NELL1: variants seen among roughly 807,000 people sequenced by gnomAD.
NELL1 encodes neural EGFL like 1.
Under a neutral mutation model 107.4 loss-of-function variants are expected in NELL1, and 76 were observed. That is an observed-to-expected ratio of 0.71 (90% CI 0.59 to 0.86). The LOEUF (loss-of-function observed/expected upper bound fraction) is 0.86, where lower values mean the gene tolerates loss of function less well. NELL1 is among the 40% of genes least tolerant of loss of function. NELL1 has a pLI of 0.00. For missense variants in NELL1, 1,024 were observed against 1,005.5 expected (o/e 1.02, Z -0.25); for synonymous variants, 353 against 341.2 (o/e 1.03, Z -0.38).
chr11:20,965,882 T>C (rs1851378506), intron 12 of NELL1, among the ~76,000 whole-genome samples: 1 of 152,170 alleles, frequency 6.6e-6, no homozygotes, highest in South Asian at 2.1e-4. Flanking sequence ...TGCACTTCTA[T>C]AGAAACAAGA....
intron 1 of NELL1, among the ~76,000 whole-genome samples, chr11:20,672,227 C>T (rs981503831): frequency 1.3e-5 from 2 of 152,198 alleles, no homozygotes; most frequent in African/African-American, 4.8e-5. Context: ...TCCATCCACC[C>T]TCTTCTTAGG....
At chr11:21,283,784 G>A (rs1220783515) in intron 14 of NELL1, 1 of 188,682 alleles carries the variant, frequency 5.3e-6, no homozygotes, top group African/African-American at 2.4e-5. Flanking sequence ...CATGATTTTG[G>A]TATTGAAGAT....
intron 13 of NELL1, among the ~76,000 whole-genome samples, chr11:21,178,938 GC>G (rs1263737552): frequency 4.6e-5 from 7 of 151,750 alleles, no homozygotes; most frequent in Non-Finnish European, 7.4e-5. Flanking sequence ...TTGATATTAT[GC>G]ATGGCTGAGG....
At chr11:21,081,159 A>G (rs1055695163) in intron 12 of NELL1, among the ~76,000 whole-genome samples, 2 of 152,038 alleles carry the variant, frequency 1.3e-5, no homozygotes, top group African/African-American at 2.4e-5. Flanking sequence ...GCTCCAGGAG[A>G]CATATCACTG....
At chr11:20,936,724 G>T (rs1175943206) in intron 9 of NELL1, among the ~76,000 whole-genome samples, 1 of 152,202 alleles carries the variant, frequency 6.6e-6, no homozygotes, top group African/African-American at 2.4e-5. Context: ...CAGTTAGCAT[G>T]TTGCCTGCCC....
chr11:20,853,974 C>T (rs1169773998), intron 4 of NELL1, among the ~76,000 whole-genome samples: 3 of 152,012 alleles, frequency 2.0e-5, no homozygotes, highest in Admixed American at 6.6e-5. Context: ...AGTGACATGC[C>T]CACTTTCCCT....
chr11:21,167,661 G>C (rs948176644), intron 13 of NELL1, among the ~76,000 whole-genome samples: 2 of 151,786 alleles, frequency 1.3e-5, no homozygotes, highest in African/African-American at 2.4e-5. Context: ...CGACCTTCTG[G>C]AGTATGAGTC....
intron 2 of NELL1, among the ~76,000 whole-genome samples, chr11:20,777,104 G>T (rs1329419874): frequency 6.6e-6 from 1 of 152,232 alleles, no homozygotes; most frequent in Non-Finnish European, 1.5e-5. Context: ...TTGGTGAATA[G>T]CAGGTGTAAC....
In NELL1 at chr11:20,826,184, C is replaced by A. The variant is rs138383367; in HGVS notation, c.336-21399C>A. 3.8e-4 allele frequency among the ~76,000 whole-genome samples: 58 copies of A among 151,282 alleles called. 2 individuals carry two copies. In the East Asian group the frequency reaches 0.01, roughly 26 times the overall value. ...TTTATAAATTACCCAGTCTCGGGTA[C>A]GTCTTTATTAGCAGCATGAGAATGG... is the stretch of plus-strand genomic sequence containing the variant. On this transcript the variant is annotated intron_variant, in intron 3 of 19. Coordinates refer to ENST00000357134, the MANE Select transcript of NELL1 (RefSeq NM_006157.5).
At chr11:20,736,745 C>G (rs543840325) in intron 2 of NELL1, among the ~76,000 whole-genome samples, 1 of 151,748 alleles carries the variant, frequency 6.6e-6, no homozygotes, top group African/African-American at 2.4e-5. Context: ...TCCCCTCCCC[C>G]TCCCTTCCTC....
At chr11:21,406,001 G>C (rs768270134) in intron 15 of NELL1, among the ~76,000 whole-genome samples, 11 of 151,976 alleles carry the variant, frequency 7.2e-5, no homozygotes, top group Non-Finnish European at 1.5e-4. Flanking sequence ...GAGCCAATAA[G>C]GTTGTATTGG....
chr11:20,694,473 C>T (rs1332714862), intron 2 of NELL1, among the ~76,000 whole-genome samples: 1 of 152,016 alleles, frequency 6.6e-6, no homozygotes, highest in African/African-American at 2.4e-5. Flanking sequence ...TATTTTCATT[C>T]TTCTGTATAT....
chr11:20,868,977 A>G (rs1849147520), intron 4 of NELL1, among the ~76,000 whole-genome samples: 1 of 152,166 alleles, frequency 6.6e-6, no homozygotes, highest in African/African-American at 2.4e-5. Context: ...AGCTGAGTTA[A>G]GTGTTGGTGT....
intron 15 of NELL1, among the ~76,000 whole-genome samples, chr11:21,493,687 C>CAGAT (rs1854895821): frequency 6.6e-6 from 1 of 151,854 alleles, no homozygotes; most frequent in African/African-American, 2.4e-5. Flanking sequence ...TATTTGACAG[C>CAGAT]AGATAGGGTG....
chr11:21,103,827 T>G (rs761464349), intron 12 of NELL1, among the ~76,000 whole-genome samples: 5 of 152,170 alleles, frequency 3.3e-5, no homozygotes, highest in Admixed American at 6.5e-5. Flanking sequence ...TTCTGGGGGA[T>G]TCCTTCCCCA....
At position 21,308,150 on chromosome 11, in the gene NELL1, T is replaced by C. The variant is rs1350161559; in HGVS notation, c.1550-62703T>C. Among the ~76,000 whole-genome samples the C allele has an allele frequency of 2.6e-5, 4 of 152,034 alleles. No homozygotes were observed. In the East Asian group the frequency reaches 7.7e-4, roughly 29 times the overall value. ...CTCTCAGTGTCTTTATCAATAAGGA[T>C]AGTAATAGGAAATACCTCGTGGGGT... On this transcript the variant is annotated intron_variant, in intron 14 of 19. Transcript: ENST00000357134.
intron 14 of NELL1, among the ~76,000 whole-genome samples, chr11:21,273,258 A>C (rs890774348): frequency 2.0e-5 from 3 of 152,246 alleles, no homozygotes; most frequent in Non-Finnish European, 2.9e-5. Flanking sequence ...TGATGAATGC[A>C]CAAGCCTCAG....
chr11:21,022,990 A>G (rs1319328470), intron 12 of NELL1, among the ~76,000 whole-genome samples: 4 of 152,088 alleles, frequency 2.6e-5, no homozygotes, highest in Non-Finnish European at 5.9e-5. Flanking sequence ...ACTGAGGACT[A>G]GGGTGATATC....
intron 2 of NELL1, among the ~76,000 whole-genome samples, chr11:20,713,589 C>A (rs1398241856): frequency 6.6e-6 from 1 of 152,082 alleles, no homozygotes. Flanking sequence ...TCAGGCCTTG[C>A]CCCCTCCCTG....
Sources: allele counts gnomAD v4.1 joint callset (sites outside exome capture counted in the v4.1 genomes callset), GRCh38; gene constraint gnomAD v4.1.1; transcripts MANE v1.5; gene names NCBI Gene and HGNC (gene_info 2026-07-23, HGNC 2026-07-21).